Variants in SORCS1 observed in about 807,000 individuals in gnomAD.
The protein encoded by SORCS1 is VPS10 domain-containing receptor SorCS1.
In SORCS1, 60 loss-of-function variants were observed where a neutral mutation model predicts 146.1. The ratio of observed to expected loss-of-function variants is 0.41; its 90% CI spans 0.33 to 0.51. The LOEUF is 0.51. Among genes scored for constraint, SORCS1 ranks in the 20% least tolerant of loss-of-function variants. The probability of loss-of-function intolerance (pLI) is 0.21; values close to 1 mark genes in which losing one functional copy is unlikely to be tolerated. For missense variants in SORCS1, 1,352 were observed against 1,487.6 expected (o/e 0.91, Z 1.50); for synonymous variants, 637 against 584.0 (o/e 1.09, Z -1.31).
At chr10:106,725,756 C>A (rs1210568356) in intron 6 of SORCS1, among the ~76,000 whole-genome samples, 1 of 151,414 alleles carries the variant, frequency 6.6e-6, no homozygotes, top group Non-Finnish European at 1.5e-5. Context: ...CACGGCAAAA[C>A]CCCATCTCTA....
chr10:107,132,519 C>T (rs1649097740), intron 1 of SORCS1, among the ~76,000 whole-genome samples: 2 of 152,196 alleles, frequency 1.3e-5, no homozygotes, highest in African/African-American at 4.8e-5. Context: ...CTTTAGCACG[C>T]TAACAGTAGA....
At chr10:107,173,910 T>A in the SORCS1 span, among the ~76,000 whole-genome samples, 38 of 152,204 alleles carry the variant, frequency 2.5e-4, no homozygotes, top group African/African-American at 8.9e-4. Context: ...TTGTCAAATT[T>A]TGTGCTAACA....
chr10:106,613,531 G>A (rs1472768903), intron 21 of SORCS1, among the ~76,000 whole-genome samples: 1 of 152,160 alleles, frequency 6.6e-6, no homozygotes, highest in Non-Finnish European at 1.5e-5. Context: ...CTGGAAGGTG[G>A]AGCCCTAGCC....
chr10:107,164,413 G>A lies in SORCS1; in HGVS notation c.114C>T (p.Cys38=). The change falls in exon 1 of 26, where the codon TGC becomes TGT. Residue 38 remains cysteine (C), a synonymous_variant. Transcript: ENST00000263054. This position sits in a 1 kb window ranked among gnomAD's most constrained non-coding sequence, Gnocchi z 6.8. ...APGVCGGGSC[C]PSPHPSSAPR... ...GAGCGGAGCTGGGGTGCGGCGAGGG[G>A]CAGCAGGAGCCGCCGCCGCAGACGC... is the stretch of plus-strand genomic sequence containing the variant. 7.1e-7 allele frequency: 1 copy of A among 1,414,180 alleles called. No individual in the cohort carries two copies. The highest frequency in any genetic ancestry group is 3.0e-5 in the Admixed American group (1 of 33,298). 87.6% of individuals were successfully genotyped at this position (1,414,180 alleles called of 1,614,324 possible). A position where few individuals can be genotyped will look rare whatever the true frequency, so the allele number is the denominator to read the frequency against.
intron 1 of SORCS1, among the ~76,000 whole-genome samples, chr10:107,039,894 G>T (rs145572167): frequency 7.2e-5 from 11 of 152,256 alleles, no homozygotes; most frequent in African/African-American, 1.4e-4. Context: ...AGGATCACTT[G>T]AGGCCAAAAG....
intron 2 of SORCS1, among the ~76,000 whole-genome samples, chr10:106,929,028 T>C (rs1193200467): frequency 6.6e-6 from 1 of 152,044 alleles, no homozygotes; most frequent in Non-Finnish European, 1.5e-5. Context: ...ATGCTGATGA[T>C]GAGACATATT....
intron 1 of SORCS1, among the ~76,000 whole-genome samples, chr10:107,014,059 C>A (rs899688703): frequency 6.6e-6 from 1 of 151,976 alleles, no homozygotes; most frequent in Non-Finnish European, 1.5e-5. Flanking sequence ...TCGAGATCAT[C>A]CTGGCCAACA....
chr10:106,823,404 T>C (rs1011087543), intron 3 of SORCS1, among the ~76,000 whole-genome samples: 1 of 152,202 alleles, frequency 6.6e-6, no homozygotes, highest in Non-Finnish European at 1.5e-5. Context: ...CTGTTCTTGT[T>C]TACTCACTTG....
intron 1 of SORCS1, among the ~76,000 whole-genome samples, chr10:107,138,456 G>T (rs1477324639): frequency 1.3e-5 from 2 of 152,040 alleles, no homozygotes; most frequent in Non-Finnish European, 2.9e-5. Context: ...TTCCTTGCTT[G>T]CTCCAACCCT....
At chr10:106,836,813 G>A (rs748880006) in intron 2 of SORCS1, among the ~76,000 whole-genome samples, 8 of 152,110 alleles carry the variant, frequency 5.3e-5, no homozygotes, top group Non-Finnish European at 8.8e-5. Flanking sequence ...ATCTGATCCA[G>A]CCTGACTCCT....
chr10:106,688,302 T>G lies in SORCS1; in HGVS notation c.1450A>C (p.Lys484Gln), dbSNP rs1480971453. Residue 484 changes from lysine to glutamine, a missense_variant, in exon 10 of 26, where the codon AAG becomes CAG. Transcript: ENST00000263054. ...GIKGMFLANK[K>Q]IDNQVKTFIT... ...AAAGTCTTCACTTGGTTGTCAATCT[T>G]CTTGTTAGCCAAGAACATTCCCTTT... 1 of 1,613,974 alleles carries G rather than the reference T, an allele frequency of 6.2e-7. No individual in the cohort carries two copies. Among genetic ancestry groups the G allele is most frequent in the Non-Finnish European group, 8.5e-7 (1 of 1,179,886 alleles).
intron 24 of SORCS1, among the ~76,000 whole-genome samples, chr10:106,591,007 G>A (rs903569142): frequency 5.3e-5 from 8 of 152,134 alleles, no homozygotes; most frequent in East Asian, 1.9e-4. Flanking sequence ...ATGCATACAC[G>A]AGAGATGGGG....
At chr10:106,779,550 T>A (rs1251831213) in intron 3 of SORCS1, among the ~76,000 whole-genome samples, 1 of 149,050 alleles carries the variant, frequency 6.7e-6, no homozygotes, top group African/African-American at 2.5e-5. Context: ...GGCCCATATT[T>A]TTTTTTTTTT....
rs369764134 is a variant in SORCS1 at position 106,934,987 on chromosome 10, T to A, written c.626+21526A>T. Among the ~76,000 whole-genome samples the A allele has an allele frequency of 1.7e-4, 26 of 152,186 alleles. No individual in the cohort carries two copies. The South Asian group carries it at 5.0e-3, about 29-fold the overall frequency. On this transcript the variant is annotated intron_variant, in intron 2 of 25. Coordinates refer to ENST00000263054, the MANE Select transcript of SORCS1 (RefSeq NM_052918.5). ...CAATATACACTACTCAGGTGATGGG[T>A]ACACTAAAATCTCAGACTTCATCAC...
At chr10:106,873,472 C>G (rs888438327) in intron 2 of SORCS1, among the ~76,000 whole-genome samples, 2 of 152,096 alleles carry the variant, frequency 1.3e-5, no homozygotes, top group African/African-American at 2.4e-5. Flanking sequence ...TTTCACAAAA[C>G]TTCAGAAAAC....
chr10:106,809,024 C>T lies in SORCS1; in HGVS notation c.726+20550G>A, dbSNP rs374517589. ...ATCTGGAAGCAGTTGTCCCTTTTAC[C>T]GCCAGTTGTAAAGTAAACAAGACAT... On this transcript the variant is annotated intron_variant, in intron 3 of 25. Coordinates refer to ENST00000263054, the MANE Select transcript of SORCS1 (RefSeq NM_052918.5). Among the ~76,000 whole-genome samples the T allele has an allele frequency of 1.4e-4, 22 of 152,152 alleles. No homozygotes were observed. The South Asian group carries it at 3.1e-3, about 21-fold the overall frequency.
intron 1 of SORCS1, among the ~76,000 whole-genome samples, chr10:106,993,600 C>A (rs1435056824): frequency 6.6e-6 from 1 of 152,112 alleles, no homozygotes; most frequent in African/African-American, 2.4e-5. Flanking sequence ...CATTCTGTAA[C>A]AAGTATTAGC....
intron 18 of SORCS1, among the ~76,000 whole-genome samples, chr10:106,630,280 G>C (rs1848365249): frequency 6.6e-6 from 1 of 152,162 alleles, no homozygotes; most frequent in African/African-American, 2.4e-5. Context: ...ATTCTTTTAT[G>C]CTTTAGCATT....
At chr10:106,624,346 ATTTTTTTTTTTTTTT>A (rs57785797) in intron 19 of SORCS1, among the ~76,000 whole-genome samples, 12 of 69,406 alleles carry the variant, frequency 1.7e-4, no homozygotes, top group Non-Finnish European at 2.5e-4. Flanking sequence ...GTCAATGACG[ATTTTTTTTTTTTTTT>A]TTTTTTTTTT....
Sources: gnomAD v4.1 joint callset for allele counts (sites outside exome capture counted in the v4.1 genomes callset) on GRCh38, gnomAD v4.1.1 for gene constraint, Gnocchi (gnomAD v3.1) non-coding constraint, MANE v1.5 for transcripts, NCBI Gene and HGNC (gene_info 2026-07-23, HGNC 2026-07-21) for gene names.